Variants in PLEKHA6 observed in about 807,000 individuals in gnomAD.
The protein encoded by PLEKHA6 is pleckstrin homology domain-containing family A member 6.
In PLEKHA6, 60 loss-of-function variants were observed where a neutral mutation model predicts 116.7. That is an observed-to-expected ratio of 0.51 (90% CI 0.42 to 0.64). The LOEUF (loss-of-function observed/expected upper bound fraction) is 0.64, where lower values mean the gene tolerates loss of function less well. PLEKHA6 is among the 30% of genes least tolerant of loss of function. PLEKHA6 has a pLI of 0.00. For missense variants in PLEKHA6, 1,338 were observed against 1,422.7 expected (o/e 0.94, Z 0.96); for synonymous variants, 489 against 556.1 (o/e 0.88, Z 1.70).
chr1:204,362,975 A>C (rs1673590055), upstream of PLEKHA6, among the ~76,000 whole-genome samples: 1 of 152,066 alleles, frequency 6.6e-6, no homozygotes, highest in Non-Finnish European at 1.5e-5. Flanking sequence ...CAGCACATTC[A>C]CTACCTTTTC....
intron 10 of PLEKHA6, among the ~76,000 whole-genome samples, chr1:204,249,862 C>T (rs1430055687): frequency 1.3e-5 from 2 of 152,154 alleles, no homozygotes; most frequent in East Asian, 1.9e-4. Flanking sequence ...AAAGAGGGCT[C>T]ATGCTTTCCT....
chr1:204,249,158 G>A, intron 11 of PLEKHA6, 26 bp downstream of exon 11: 1 of 1,597,448 alleles, frequency 6.3e-7, no homozygotes. Flanking sequence ...ATCTGCCCCA[G>A]CTTAAAGCCA....
intron 1 of PLEKHA6, among the ~76,000 whole-genome samples, chr1:204,291,629 A>G (rs545846783): frequency 1.6e-3 from 239 of 152,378 alleles, no homozygotes; most frequent in African/African-American, 5.6e-3. Flanking sequence ...AGCATAATGG[A>G]TGAATCTTAA....
Position 204,277,334 on chromosome 1 carries a change from G to A in PLEKHA6, c.-94-2525C>T, listed in dbSNP as rs1473704730. On this transcript the variant is annotated intron_variant, in intron 1 of 22. Transcript: ENST00000272203. The surrounding 1 kb of genome is among the most constrained non-coding windows in gnomAD (Gnocchi z 4.1). Reference sequence around the variant, plus strand: ...CTGGAGGCAGAATAAACAAGGAGGGGATGATATCCTCCCCATTCAGCACCC... The same window carrying A: ...CTGGAGGCAGAATAAACAAGGAGGGAATGATATCCTCCCCATTCAGCACCC... Among the ~76,000 whole-genome samples, 1 of 152,142 alleles carries A rather than the reference G, an allele frequency of 6.6e-6. No homozygotes were observed. Among genetic ancestry groups the A allele is most frequent in the Non-Finnish European group, 1.5e-5 (1 of 68,030 alleles).
rs150816911 is a variant in PLEKHA6 at position 204,284,035 on chromosome 1, G to A, written c.-94-9226C>T. Among the ~76,000 whole-genome samples the A allele has an allele frequency of 1.1e-4, 16 of 152,354 alleles. No homozygotes were observed. The East Asian group carries it at 3.1e-3, about 29-fold the overall frequency. On this transcript the variant is annotated intron_variant, in intron 1 of 22. Coordinates refer to ENST00000272203, the MANE Select transcript of PLEKHA6 (RefSeq NM_014935.5). ...GCTGTTCCAGTTGGGATGCTGAATAGCGGCTGAAGGAGACAGGAGCTCAGC... is the reference window on the plus strand; with the variant it reads ...GCTGTTCCAGTTGGGATGCTGAATAACGGCTGAAGGAGACAGGAGCTCAGC...
chr1:204,284,096 G>A (rs979239661), intron 1 of PLEKHA6, among the ~76,000 whole-genome samples: 1 of 152,192 alleles, frequency 6.6e-6, no homozygotes, highest in African/African-American at 2.4e-5. Context: ...TGTGCACAGT[G>A]CATCTGCTTC....
chr1:204,329,034 G>T lies in PLEKHA6; in HGVS notation c.-95+30660C>A, dbSNP rs149427811. Among the ~76,000 whole-genome samples the T allele has an allele frequency of 4.7e-3, 723 of 152,270 alleles. 10 individuals carry two copies. In the Middle Eastern group the frequency reaches 0.058, roughly 12 times the overall value. On this transcript the variant is annotated intron_variant, in intron 1 of 22. Transcript: ENST00000272203. ...CTGTGTTGCACTACTTCTTGTGTGT[G>T]TATGTTTTGTAGACTGTAAGCTATT...
intron 9 of PLEKHA6, among the ~76,000 whole-genome samples, chr1:204,254,132 T>C (rs1664954349): frequency 6.6e-6 from 1 of 152,228 alleles, no homozygotes; most frequent in African/African-American, 2.4e-5. Context: ...TGCAAGGCAC[T>C]TTGGATCTTG....
chr1:204,353,486 A>G (rs537756087), intron 1 of PLEKHA6, among the ~76,000 whole-genome samples: 8 of 152,196 alleles, frequency 5.3e-5, no homozygotes, highest in Non-Finnish European at 1.0e-4. Flanking sequence ...TTAGAAGACA[A>G]TGGAGTCAGG....
chr1:204,300,956 C>T (rs145555555), intron 1 of PLEKHA6, among the ~76,000 whole-genome samples: 1 of 152,232 alleles, frequency 6.6e-6, no homozygotes, highest in Non-Finnish European at 1.5e-5. Flanking sequence ...CTCAACCTGA[C>T]TTGAGCATAT....
In PLEKHA6 at chr1:204,303,212, G is replaced by A. The variant is rs569284978; in HGVS notation, c.-94-28403C>T. Among the ~76,000 whole-genome samples, 9 of 152,248 alleles carry A rather than the reference G, an allele frequency of 5.9e-5. No individual in the cohort carries two copies. The East Asian group carries it at 1.2e-3, about 20-fold the overall frequency. On this transcript the variant is annotated intron_variant, in intron 1 of 22. Coordinates refer to ENST00000272203, the MANE Select transcript of PLEKHA6 (RefSeq NM_014935.5). ...ACACCTTGGCCTGGTCTTCCAGATC[G>A]GAGCCAATCTTCCCTTTAGTCATTT...
chr1:204,247,093 C>T (rs749858673), intron 13 of PLEKHA6, among the ~76,000 whole-genome samples: 11 of 152,060 alleles, frequency 7.2e-5, no homozygotes, highest in East Asian at 1.9e-4. Context: ...GCTGTGACTG[C>T]GCCACTGCAC....
chr1:204,260,404 C>T (rs1372243670), intron 7 of PLEKHA6, among the ~76,000 whole-genome samples: 1 of 152,232 alleles, frequency 6.6e-6, no homozygotes. Context: ...CATGAGAATA[C>T]AGGCCCCACA....
At chr1:204,263,745 G>GT (rs1558096702) in intron 6 of PLEKHA6, among the ~76,000 whole-genome samples, 4 of 151,080 alleles carry the variant, frequency 2.6e-5, no homozygotes, top group Admixed American at 2.6e-4. Flanking sequence ...TGTGTGTGTG[G>GT]GTGTGTGTGT....
At position 204,228,692 on chromosome 1, in the gene PLEKHA6, G is replaced by A; in HGVS notation, c.2885+36C>T. ...GCCCAGGTGTCCTAGGTGCCAGGGT[G>A]AGCAGAGGAAGTAGAGGCTCACCCA... On this transcript the variant is annotated intron_variant, in intron 20 of 22. Transcript: ENST00000272203. The surrounding 1 kb of genome is among the most constrained non-coding windows in gnomAD (Gnocchi z 4.0). 5 of 1,608,544 alleles carry A rather than the reference G, an allele frequency of 3.1e-6. No homozygotes were observed. The highest frequency in any genetic ancestry group is 4.3e-6 in the Non-Finnish European group (5 of 1,175,090).
At chr1:204,231,939 T>C (rs1209330713) in intron 17 of PLEKHA6, among the ~76,000 whole-genome samples, 1 of 152,156 alleles carries the variant, frequency 6.6e-6, no homozygotes, top group Non-Finnish European at 1.5e-5. Flanking sequence ...ATTTGTGATC[T>C]GTGGTGGCTG....
At chr1:204,360,667 TC>T (rs148679599), upstream of PLEKHA6, among the ~76,000 whole-genome samples, 2,473 of 152,278 alleles carry the variant, frequency 0.016, 63 homozygotes, top group African/African-American at 0.053. Flanking sequence ...AATTTTTTAA[TC>T]AAGTTGTTCT....
Position 204,259,485 on chromosome 1 carries a change from T to G in PLEKHA6, c.780A>C (p.Pro260=), listed in dbSNP as rs1297933722. 1.2e-6 allele frequency: 2 copies of G among 1,614,166 alleles called. No homozygotes were observed. The highest frequency in any genetic ancestry group is 2.2e-5 in the South Asian group (2 of 91,082). ...GCTGGGCAGGCTGTTCCCCACCCCC[T>G]GGCACTCTTGGGCCCTCGGGGTAAG... is the stretch of plus-strand genomic sequence containing the variant. ...GSPYPEGPRV[P]GGGEQPAQPN... Residue 260 remains proline, a synonymous_variant, in exon 8 of 23, where the codon CCA becomes CCC. Transcript: ENST00000272203. This position sits in a 1 kb window ranked among gnomAD's most constrained non-coding sequence, Gnocchi z 4.6.
At chr1:204,365,357 C>T (rs1226349897) in intron 3 of PLEKHA6, among the ~76,000 whole-genome samples, 1 of 152,106 alleles carries the variant, frequency 6.6e-6, no homozygotes, top group African/African-American at 2.4e-5. Context: ...AAAGCTTCTA[C>T]AATAATGGAA....
Sources: allele counts gnomAD v4.1 joint callset (sites outside exome capture counted in the v4.1 genomes callset), GRCh38; gene constraint gnomAD v4.1.1; non-coding constraint Gnocchi (gnomAD v3.1); transcripts MANE v1.5; gene names NCBI Gene and HGNC (gene_info 2026-07-23, HGNC 2026-07-21).